The following CEP83 variants were observed in gnomAD, a reference collection of about 807,000 sequenced individuals.
CEP83 encodes centrosomal protein 83.
In CEP83, 70 loss-of-function variants were observed where a neutral mutation model predicts 101.9. That is an observed-to-expected ratio of 0.69 (90% CI 0.57 to 0.84). The LOEUF (loss-of-function observed/expected upper bound fraction) is 0.84. Among genes scored for constraint, CEP83 ranks in the 40% least tolerant of loss-of-function variants. CEP83 has a pLI of 0.00. For synonymous variants in CEP83, 264 were observed against 267.9 expected, an observed-to-expected ratio of 0.99 and a Z score of 0.14; for missense variants, 715 against 787.2, an observed-to-expected ratio of 0.91 and a Z score of 1.10.
chr12:94,416,563 CACACACACACAA>C (rs2064282113), intron 2 of CEP83, among the ~76,000 whole-genome samples: 1 of 109,018 alleles, frequency 9.2e-6, no homozygotes, highest in African/African-American at 3.2e-5. Flanking sequence ...CACACACACA[CACACACACACAA>C]AAAAAAAAAA....
chr12:94,390,807 G>T (rs2062474570), intron 6 of CEP83, among the ~76,000 whole-genome samples: 1 of 152,170 alleles, frequency 6.6e-6, no homozygotes, highest in Non-Finnish European at 1.5e-5. Context: ...TGCAAACCAT[G>T]GCACGAGAAC....
chr12:94,390,354 C>T (rs11107524), intron 6 of CEP83, among the ~76,000 whole-genome samples: 2,987 of 152,246 alleles, frequency 0.02, 37 homozygotes, highest in East Asian at 0.07. Context: ...GGAACTCCCG[C>T]AAGCTCCAAC....
the CEP83 span, among the ~76,000 whole-genome samples, chr12:94,271,296 C>T: frequency 3.3e-5 from 5 of 152,160 alleles, no homozygotes; most frequent in Non-Finnish European, 5.9e-5. Context: ...GAGGCAGCAA[C>T]GTTCCTGCTT....
chr12:94,431,139 A>G (rs957006203), intron 2 of CEP83, among the ~76,000 whole-genome samples: 1 of 152,176 alleles, frequency 6.6e-6, no homozygotes, highest in Non-Finnish European at 1.5e-5. Flanking sequence ...CCCAGAAAGA[A>G]ATCCACAAAT....
chr12:94,348,226 T>A (rs990820956), intron 11 of CEP83, among the ~76,000 whole-genome samples: 20 of 151,238 alleles, frequency 1.3e-4, no homozygotes, highest in African/African-American at 3.4e-4. Flanking sequence ...AAAAAAAATT[T>A]AAAAAAAAGA....
the CEP83 span, among the ~76,000 whole-genome samples, chr12:94,273,471 T>C: frequency 8.5e-5 from 13 of 152,138 alleles, no homozygotes; most frequent in Admixed American, 8.5e-4. Flanking sequence ...CCTCATGAAC[T>C]ACAGCTCTTT....
intron 13 of CEP83, among the ~76,000 whole-genome samples, chr12:94,332,282 G>C (rs540163593): frequency 6.6e-6 from 1 of 152,280 alleles, no homozygotes; most frequent in South Asian, 2.1e-4. Context: ...TATGTCTTCT[G>C]ACTAGAGTAA....
intron 2 of CEP83, among the ~76,000 whole-genome samples, chr12:94,430,748 C>T (rs1299424086): frequency 1.3e-5 from 2 of 152,174 alleles, no homozygotes; most frequent in Non-Finnish European, 2.9e-5. Context: ...GGGATTTAAA[C>T]ATCCAGATAC....
At chr12:94,289,027 CA>C in the CEP83 span, among the ~76,000 whole-genome samples, 4 of 152,038 alleles carry the variant, frequency 2.6e-5, no homozygotes, top group African/African-American at 9.7e-5. Context: ...ATGAAATTGT[CA>C]ATAGGTGACC....
intron 14 of CEP83, among the ~76,000 whole-genome samples, chr12:94,316,208 C>A (rs563092069): frequency 3.9e-4 from 59 of 152,208 alleles, no homozygotes; most frequent in African/African-American, 1.3e-3. Context: ...TCATAAACAT[C>A]TTTCACTAGA....
chr12:94,343,470 C>CTTTTTTTTT lies in CEP83; in HGVS notation c.1344-7815_1344-7807dup, dbSNP rs1161481202. Among the ~76,000 whole-genome samples the CTTTTTTTTT allele has an allele frequency of 6.7e-3, 560 of 84,160 alleles. 30 individuals carry two copies. The highest frequency in any genetic ancestry group is 9.9e-3 in the Non-Finnish European group (460 of 46,426). 55.2% of individuals were successfully genotyped at this position (84,160 alleles called of 152,430 possible). ...ACAATGCAATAAAGCTAGAAATTAACTTTTTTTTTTTTTTTTTTTTTTTTT... is the reference window on the plus strand; with the variant it reads ...ACAATGCAATAAAGCTAGAAATTAACTTTTTTTTTTTTTTTTTTTTTTTTTTTTTTTTTT... On this transcript the variant is annotated intron_variant, in intron 11 of 16. Coordinates refer to ENST00000397809, the MANE Select transcript of CEP83 (RefSeq NM_016122.3).
At chr12:94,371,323 A>G (rs1233209901) in intron 8 of CEP83, among the ~76,000 whole-genome samples, 1 of 152,218 alleles carries the variant, frequency 6.6e-6, no homozygotes, top group Non-Finnish European at 1.5e-5. Context: ...GGAAGGAAGA[A>G]TCAATTGAAT....
At chr12:94,316,062 C>G (rs1020917479) in intron 14 of CEP83, among the ~76,000 whole-genome samples, 2 of 152,112 alleles carry the variant, frequency 1.3e-5, no homozygotes, top group African/African-American at 4.8e-5. Context: ...TTGATTAGAA[C>G]TGCATTCAAC....
At chr12:94,418,590 T>C (rs2064471649) in intron 2 of CEP83, among the ~76,000 whole-genome samples, 1 of 152,168 alleles carries the variant, frequency 6.6e-6, no homozygotes, top group African/African-American at 2.4e-5. Context: ...TATGATTCCA[T>C]TTATATGAAA....
chr12:94,397,807 C>T (rs755794946), intron 6 of CEP83, among the ~76,000 whole-genome samples: 3 of 152,056 alleles, frequency 2.0e-5, no homozygotes, highest in Admixed American at 6.6e-5. Context: ...TCCTATTTTC[C>T]ACAAATTTTT....
At chr12:94,432,623 T>C (rs1045224813) in intron 2 of CEP83, among the ~76,000 whole-genome samples, 1 of 152,136 alleles carries the variant, frequency 6.6e-6, no homozygotes, top group African/African-American at 2.4e-5. Context: ...AAAGGGAGGT[T>C]GCTTAATGAA....
rs530002505 is a variant in CEP83, at chr12:94,369,954, C to G, written c.1016G>C (p.Arg339Thr). Reference protein sequence around the residue: ...ETARAKSELERERNKIQSELD... With the variant: ...ETARAKSELETERNKIQSELD... Reference sequence around the variant, plus strand: ...TTCACTTTGAATCTTATTCCTTTCTCTTTCTAGCTCACTCTTAGCTCTTGC... The same window carrying G: ...TTCACTTTGAATCTTATTCCTTTCTGTTTCTAGCTCACTCTTAGCTCTTGC... The change falls in exon 9 of 17, where the codon AGA becomes ACA. Residue 339 changes from arginine to threonine, a missense_variant. Arg to Thr is a moderately conservative substitution (Grantham distance 71). Transcript: ENST00000397809. The G allele has an allele frequency of 5.0e-6, 8 of 1,605,752 alleles. No homozygotes were observed. The African/African-American group carries it at 6.7e-5, about 13-fold the overall frequency.
At chr12:94,456,352 C>T (rs1360446964) in intron 1 of CEP83, among the ~76,000 whole-genome samples, 2 of 152,176 alleles carry the variant, frequency 1.3e-5, no homozygotes, top group African/African-American at 4.8e-5. Context: ...TGCCATTTCC[C>T]CTTCACTTAC....
chr12:94,270,713 A>G, the CEP83 span, among the ~76,000 whole-genome samples: 12 of 152,166 alleles, frequency 7.9e-5, no homozygotes, highest in East Asian at 7.7e-4. Flanking sequence ...GCTAGCAAGT[A>G]TAGAAAAATT....
Sources: gnomAD v4.1 joint callset for allele counts (sites outside exome capture counted in the v4.1 genomes callset) on GRCh38, gnomAD v4.1.1 for gene constraint, MANE v1.5 for transcripts, NCBI Gene and HGNC (gene_info 2026-07-23, HGNC 2026-07-21) for gene names.